The following TTC29 variants were observed in gnomAD, a reference collection of about 807,000 sequenced individuals.
TTC29 encodes the protein tetratricopeptide repeat domain 29.
TTC29 carries 49 observed loss-of-function variants against 58.1 expected under a neutral mutation model. That is an observed-to-expected ratio of 0.84 (90% CI 0.67 to 1.07). The LOEUF (loss-of-function observed/expected upper bound fraction) is 1.07, where lower values mean the gene tolerates loss of function less well. Among genes scored for constraint, TTC29 ranks in the 50% least tolerant of loss-of-function variants. TTC29 has a pLI of 0.00. For synonymous variants in TTC29, 209 were observed against 196.8 expected (o/e 1.06, Z -0.52); for missense variants, 582 against 555.6 (o/e 1.05, Z -0.48).
intron 4 of TTC29, among the ~76,000 whole-genome samples, chr4:146,916,638 T>A (rs953262868): frequency 1.3e-5 from 2 of 151,572 alleles, no homozygotes; most frequent in Non-Finnish European, 3.0e-5. Flanking sequence ...ATTTACATGA[T>A]TTCCAATGAG....
intron 7 of TTC29, among the ~76,000 whole-genome samples, chr4:146,869,123 CTT>C (rs1730766474): frequency 3.4e-5 from 5 of 145,880 alleles, no homozygotes; most frequent in African/African-American, 1.3e-4. Context: ...AAAAAAACCT[CTT>C]TTCTTTATAA....
intron 6 of TTC29, among the ~76,000 whole-genome samples, chr4:146,885,800 T>G (rs1175040235): frequency 1.3e-5 from 2 of 152,104 alleles, no homozygotes; most frequent in Non-Finnish European, 2.9e-5. Flanking sequence ...ACCATTTAAA[T>G]GATTCACATC....
intron 8 of TTC29, among the ~76,000 whole-genome samples, chr4:146,846,004 T>G (rs1007067621): frequency 6.6e-6 from 1 of 152,208 alleles, no homozygotes; most frequent in Admixed American, 6.5e-5. Flanking sequence ...TTGAATATTG[T>G]TGAATGACTA....
Position 146,707,200 on chromosome 4 carries a change from T to C in TTC29, c.1398-12A>G, listed in dbSNP as rs553964969. ...GATCACCTGGAAACCTGAAATAAAATAAATTATAAATTTAACTTTTATACT... is the reference window on the plus strand; with the variant it reads ...GATCACCTGGAAACCTGAAATAAAACAAATTATAAATTTAACTTTTATACT... On this transcript the variant is annotated splice_polypyrimidine_tract_variant and intron_variant, in intron 12 of 12. Transcript: ENST00000325106. 2.0e-6 allele frequency: 3 copies of C among 1,469,432 alleles called. No homozygotes were observed. The East Asian group carries it at 7.5e-5, about 37-fold the overall frequency. The allele number at this position is 1,469,432 out of a possible 1,614,324, so 91.0% of individuals were successfully genotyped here.
At chr4:146,789,793 T>TAA (rs11456044) in intron 11 of TTC29, among the ~76,000 whole-genome samples, 4 of 148,958 alleles carry the variant, frequency 2.7e-5, no homozygotes, top group African/African-American at 7.4e-5. Context: ...AGATTTTAAT[T>TAA]AAAAAAAAAA....
chr4:146,785,955 T>G (rs745453815), intron 11 of TTC29, among the ~76,000 whole-genome samples: 7 of 150,750 alleles, frequency 4.6e-5, no homozygotes, highest in Non-Finnish European at 1.0e-4. Context: ...AGAATATATA[T>G]ATATATGTAT....
chr4:146,926,335 A>C (rs1218955792), intron 4 of TTC29, among the ~76,000 whole-genome samples: 3 of 152,152 alleles, frequency 2.0e-5, no homozygotes, highest in South Asian at 2.1e-4. Flanking sequence ...GTCTACCCAG[A>C]AGTTGAAAGA....
At chr4:146,860,172 T>A (rs925006417) in intron 8 of TTC29, among the ~76,000 whole-genome samples, 2 of 152,124 alleles carry the variant, frequency 1.3e-5, no homozygotes, top group African/African-American at 4.8e-5. Context: ...AGAGGTAAAC[T>A]ATATACAGAA....
chr4:146,904,924 G>A (rs1413573903), intron 5 of TTC29, among the ~76,000 whole-genome samples: 1 of 152,114 alleles, frequency 6.6e-6, no homozygotes, highest in Non-Finnish European at 1.5e-5. Flanking sequence ...TTCTAAAACC[G>A]ATTCTATTCC....
At chr4:146,921,736 G>A (rs1245639552) in intron 4 of TTC29, among the ~76,000 whole-genome samples, 2 of 150,876 alleles carry the variant, frequency 1.3e-5, no homozygotes, top group African/African-American at 4.8e-5. Flanking sequence ...ATAAAGTAGA[G>A]GGAGAAGTAT....
At chr4:146,716,254 T>A (rs1424252620) in intron 11 of TTC29, among the ~76,000 whole-genome samples, 2 of 152,168 alleles carry the variant, frequency 1.3e-5, no homozygotes, top group African/African-American at 4.8e-5. Context: ...GACCAAATTA[T>A]GTGCAGTGTA....
intron 6 of TTC29, 78 bp downstream of exon 6, chr4:146,903,466 C>T (rs1733293134): frequency 1.5e-6 from 2 of 1,310,772 alleles, no homozygotes; most frequent in African/African-American, 1.5e-5. Context: ...TTTTTCTCGA[C>T]CACCACGTGT....
Position 146,891,948 on chromosome 4 carries a change from G to A in TTC29, c.586+11596C>T, listed in dbSNP as rs185299915. Among the ~76,000 whole-genome samples the A allele has an allele frequency of 6.6e-5, 10 of 152,282 alleles. No individual in the cohort carries two copies. The East Asian group carries it at 1.9e-3, about 29-fold the overall frequency. ...TGGGGAAAGCAGTTCAGGCACCCCT[G>A]ATGTCTAAGTGGATACTGTAAGGAC... is the stretch of plus-strand genomic sequence containing the variant. On this transcript the variant is annotated intron_variant, in intron 6 of 12. Transcript: ENST00000325106.
chr4:146,777,200 C>T (rs757525545), intron 11 of TTC29, among the ~76,000 whole-genome samples: 56 of 152,124 alleles, frequency 3.7e-4, no homozygotes, highest in Non-Finnish European at 5.9e-4. Context: ...TAGGTTCGCG[C>T]ACAAGTAATG....
At chr4:146,856,997 G>A (rs1485102192) in intron 8 of TTC29, among the ~76,000 whole-genome samples, 1 of 151,814 alleles carries the variant, frequency 6.6e-6, no homozygotes, top group Non-Finnish European at 1.5e-5. Context: ...CTAAAATGCT[G>A]TTTTCCAAGT....
chr4:146,801,905 G>A (rs182844882), intron 11 of TTC29, among the ~76,000 whole-genome samples: 137 of 145,092 alleles, frequency 9.4e-4, no homozygotes, highest in African/African-American at 3.3e-3. Flanking sequence ...TGTGAACCCG[G>A]GAGGCAGAGC....
At chr4:146,881,658 T>C (rs764546644) in intron 6 of TTC29, among the ~76,000 whole-genome samples, 1 of 152,120 alleles carries the variant, frequency 6.6e-6, no homozygotes, top group Non-Finnish European at 1.5e-5. Flanking sequence ...TTTAGGTTTT[T>C]ACATTTAATT....
At chr4:146,728,502 G>A (rs1238247815) in intron 11 of TTC29, among the ~76,000 whole-genome samples, 2 of 151,178 alleles carry the variant, frequency 1.3e-5, no homozygotes, top group Non-Finnish European at 1.5e-5. Flanking sequence ...TTACTCTCCT[G>A]AAATATCACC....
intron 8 of TTC29, among the ~76,000 whole-genome samples, chr4:146,845,860 C>G (rs1232066373): frequency 6.6e-6 from 1 of 152,050 alleles, no homozygotes; most frequent in African/African-American, 2.4e-5. Flanking sequence ...TTGTGCTATT[C>G]TAGCACTCAC....
Sources: allele counts gnomAD v4.1 joint callset (sites outside exome capture counted in the v4.1 genomes callset), GRCh38; gene constraint gnomAD v4.1.1; transcripts MANE v1.5; gene names NCBI Gene and HGNC (gene_info 2026-07-23, HGNC 2026-07-21).